CTNNAL1: variants seen among roughly 807,000 people sequenced by gnomAD.
CTNNAL1 encodes catenin alpha like 1, also known as alpha-catulin.
Under a neutral mutation model 93.6 loss-of-function variants are expected in CTNNAL1, and 69 were observed. That is an observed-to-expected ratio of 0.74 (90% CI 0.61 to 0.90). CTNNAL1 has a LOEUF of 0.90. CTNNAL1 is among the 40% of genes least tolerant of loss of function. The probability of loss-of-function intolerance (pLI) is 0.00; values close to 1 mark genes in which losing one functional copy is unlikely to be tolerated. For synonymous variants in CTNNAL1, 286 were observed against 305.4 expected, an observed-to-expected ratio of 0.94 and a Z score of 0.66; for missense variants, 836 against 862.0, an observed-to-expected ratio of 0.97 and a Z score of 0.38.
At chr9:108,972,864 G>GGGGGGGGGGGGGGGGGGGGCCCCCCC in intron 8 of CTNNAL1, 31 bp from the exon 9 acceptor site, 2 of 142,582 alleles carry the variant, frequency 1.4e-5, no homozygotes, top group East Asian at 2.2e-4. Context: ...GGGGGGGTGG[G>GGGGGGGGGGGGGGGGGGGGCCCCCCC]AGGGTGGAGA....
intron 11 of CTNNAL1, among the ~76,000 whole-genome samples, chr9:108,962,886 A>G (rs1830855380): frequency 6.6e-6 from 1 of 152,152 alleles, no homozygotes; most frequent in African/African-American, 2.4e-5. Context: ...TGAAGCATAG[A>G]GAGATTAAGT....
chr9:108,983,027 G>A (rs572192933), intron 6 of CTNNAL1, 118 bp downstream of exon 6: 378 of 941,346 alleles, frequency 4.0e-4, no homozygotes, highest in Non-Finnish European at 4.9e-4. Context: ...GCAGTGAGCC[G>A]AGATCACACC....
At chr9:108,944,846 A>G (rs574256148) in intron 15 of CTNNAL1, among the ~76,000 whole-genome samples, 17 of 152,210 alleles carry the variant, frequency 1.1e-4, no homozygotes, top group African/African-American at 1.7e-4. Flanking sequence ...TTTACCCTCT[A>G]TTCAAAAGGC....
chr9:108,957,116 A>AT (rs760444621), intron 11 of CTNNAL1, among the ~76,000 whole-genome samples: 1,445 of 132,462 alleles, frequency 0.011, 30 homozygotes, highest in Admixed American at 0.032. Context: ...GCCTGTTAGA[A>AT]TTTTTTTTTT....
chr9:108,978,472 T>TTTG (rs1238211974), intron 7 of CTNNAL1, among the ~76,000 whole-genome samples: 2 of 152,238 alleles, frequency 1.3e-5, no homozygotes, highest in Non-Finnish European at 2.9e-5. Flanking sequence ...GACTTCCAGA[T>TTTG]TTGTACTATC....
chr9:108,974,376 G>GT lies in CTNNAL1; in HGVS notation c.1189-1544dup, dbSNP rs772368935. Among the ~76,000 whole-genome samples the GT allele has an allele frequency of 5.3e-5, 8 of 151,880 alleles. No homozygotes were observed. The South Asian group carries it at 1.5e-3, about 28-fold the overall frequency. On this transcript the variant is annotated intron_variant, in intron 8 of 18. Coordinates refer to ENST00000325551, the MANE Select transcript of CTNNAL1 (RefSeq NM_003798.4). Reference sequence around the variant, plus strand: ...TTTTCTTTCTTTTTTGTTTTGTTTTGTTTTTTTCCTTGTGTCAAGGGCAGC... The same window carrying GT: ...TTTTCTTTCTTTTTTGTTTTGTTTTGTTTTTTTTCCTTGTGTCAAGGGCAGC...
At chr9:109,011,796 CAT>C (rs531773493) in intron 1 of CTNNAL1, among the ~76,000 whole-genome samples, 38 of 152,330 alleles carry the variant, frequency 2.5e-4, no homozygotes, top group African/African-American at 8.7e-4. Context: ...ACCAACTTCA[CAT>C]GATTGTTATG....
At chr9:108,988,903 A>G (rs777557692) in intron 4 of CTNNAL1, among the ~76,000 whole-genome samples, 1 of 152,166 alleles carries the variant, frequency 6.6e-6, no homozygotes, top group Non-Finnish European at 1.5e-5. Context: ...TCTTTGCAGG[A>G]TATTTTGACT....
chr9:108,956,369 C>T (rs868062123), intron 11 of CTNNAL1, among the ~76,000 whole-genome samples: 3 of 152,138 alleles, frequency 2.0e-5, no homozygotes, highest in Non-Finnish European at 4.4e-5. Flanking sequence ...AGCATGATAA[C>T]GAGGAAAGGA....
At chr9:108,982,422 G>T (rs745730281) in intron 6 of CTNNAL1, among the ~76,000 whole-genome samples, 6 of 152,086 alleles carry the variant, frequency 3.9e-5, no homozygotes, top group Non-Finnish European at 8.8e-5. Context: ...TATTACTATA[G>T]TCTCAAAGTA....
chr9:108,972,864 G>GGGGCGCCCCCCCCCCC, intron 8 of CTNNAL1, 31 bp from the exon 9 acceptor site: 4 of 142,576 alleles, frequency 2.8e-5, no homozygotes, highest in Non-Finnish European at 4.0e-5. Context: ...GGGGGGGTGG[G>GGGGCGCCCCCCCCCCC]AGGGTGGAGA....
chr9:109,009,830 ATTT>A (rs1827156518), intron 1 of CTNNAL1, among the ~76,000 whole-genome samples: 1 of 152,108 alleles, frequency 6.6e-6, no homozygotes, highest in South Asian at 2.1e-4. Context: ...CTTTTCTCCC[ATTT>A]ATTTAGATCC....
chr9:109,008,955 T>A (rs1827126201), intron 1 of CTNNAL1, among the ~76,000 whole-genome samples: 1 of 147,564 alleles, frequency 6.8e-6, no homozygotes, highest in Admixed American at 6.9e-5. Flanking sequence ...AGTGAAGTGT[T>A]GTGATCACAG....
chr9:108,966,415 A>G (rs1032565071), intron 10 of CTNNAL1, among the ~76,000 whole-genome samples: 1 of 152,230 alleles, frequency 6.6e-6, no homozygotes, highest in Non-Finnish European at 1.5e-5. Flanking sequence ...GTGGAGACAT[A>G]TGGCCACGAG....
At chr9:109,001,871 T>C (rs1257971146) in intron 1 of CTNNAL1, among the ~76,000 whole-genome samples, 1 of 152,242 alleles carries the variant, frequency 6.6e-6, no homozygotes, top group African/African-American at 2.4e-5. Context: ...GTTTGTTGTT[T>C]TAATGCACTA....
intron 1 of CTNNAL1, among the ~76,000 whole-genome samples, chr9:109,003,486 G>A (rs759559181): frequency 3.3e-5 from 5 of 152,188 alleles, no homozygotes; most frequent in African/African-American, 7.2e-5. Flanking sequence ...TACAATTCAT[G>A]TAAAATAATG....
At chr9:108,956,597 G>C (rs1473917962) in intron 11 of CTNNAL1, among the ~76,000 whole-genome samples, 3 of 152,204 alleles carry the variant, frequency 2.0e-5, no homozygotes, top group African/African-American at 7.2e-5. Flanking sequence ...AGAATAGTTT[G>C]AACCATATGA....
intron 10 of CTNNAL1, among the ~76,000 whole-genome samples, chr9:108,969,749 C>T (rs745615413): frequency 1.3e-5 from 2 of 152,186 alleles, no homozygotes; most frequent in Admixed American, 6.5e-5. Context: ...AACTCCTGGA[C>T]TAAAGCTATC....
chr9:108,963,221 A>G lies in CTNNAL1; in HGVS notation c.1591+2157T>C, dbSNP rs528022071. Among the ~76,000 whole-genome samples, 3 of 152,342 alleles carry G rather than the reference A, an allele frequency of 2.0e-5. No homozygotes were observed. In the East Asian group the frequency reaches 5.8e-4, roughly 29 times the overall value. On this transcript the variant is annotated intron_variant, in intron 11 of 18. Transcript: ENST00000325551. The stretch of plus-strand genomic sequence containing the variant: ...TCTTGAGAGGGGGGAAAAGCCTGTT[A>G]TAACTCCTCTTCTTATGGAAATAAA...
Sources: gnomAD v4.1 joint callset for allele counts (sites outside exome capture counted in the v4.1 genomes callset) on GRCh38, gnomAD v4.1.1 for gene constraint, MANE v1.5 for transcripts, NCBI Gene and HGNC (gene_info 2026-07-23, HGNC 2026-07-21) for gene names.